Variants in LRRC69 observed in about 807,000 individuals in gnomAD.
LRRC69 encodes the protein leucine-rich repeat-containing protein 69.
LRRC69 carries 42 observed loss-of-function variants against 37.8 expected under a neutral mutation model. That is an observed-to-expected ratio of 1.11 (90% CI 0.87 to 1.44). LRRC69 has a LOEUF of 1.44. Among genes scored for constraint, LRRC69 ranks in the 40% most tolerant of loss-of-function variants. LRRC69 has a pLI of 0.00. For missense variants in LRRC69, 357 were observed against 401.9 expected (o/e 0.89, Z 0.96); for synonymous variants, 141 against 143.1 (o/e 0.99, Z 0.11).
intron 1 of LRRC69, among the ~76,000 whole-genome samples, chr8:91,124,061 A>T (rs1468899466): frequency 6.6e-6 from 1 of 151,870 alleles, no homozygotes; most frequent in Non-Finnish European, 1.5e-5. Context: ...CTCATTTGGG[A>T]GTAGTATGTC....
chr8:91,125,127 A>T (rs1364717979), intron 2 of LRRC69, among the ~76,000 whole-genome samples: 2 of 151,866 alleles, frequency 1.3e-5, no homozygotes, highest in East Asian at 3.9e-4. Context: ...ATTCAAGATG[A>T]TGCTATTCTT....
intron 5 of LRRC69, among the ~76,000 whole-genome samples, chr8:91,184,413 T>C (rs1809372339): frequency 6.6e-6 from 1 of 152,266 alleles, no homozygotes; most frequent in Admixed American, 6.5e-5. Context: ...TTCAGCCTTT[T>C]AAATGACATT....
exon 2 of LRRC69, chr8:91,124,607 C>T (rs1429385788): frequency 2.6e-6 from 4 of 1,535,776 alleles, no homozygotes; most frequent in East Asian, 2.5e-5. Context: ...TAGATTTGCA[C>T]CTGGAGCCTG....
At chr8:91,173,859 A>G (rs1279500013) in intron 5 of LRRC69, among the ~76,000 whole-genome samples, 1 of 152,016 alleles carries the variant, frequency 6.6e-6, no homozygotes, top group African/African-American at 2.4e-5. Flanking sequence ...CCCTACCTCG[A>G]TACTATCATA....
intron 7 of LRRC69, among the ~76,000 whole-genome samples, chr8:91,215,470 T>G (rs1810027146): frequency 6.6e-6 from 1 of 152,118 alleles, no homozygotes; most frequent in Admixed American, 6.6e-5. Context: ...AACATAAAAC[T>G]TAGCAAAGAG....
intron 5 of LRRC69, among the ~76,000 whole-genome samples, chr8:91,173,794 C>T (rs2130586699): frequency 1.3e-5 from 2 of 152,110 alleles, no homozygotes; most frequent in East Asian, 3.9e-4. Context: ...AGACAAGATT[C>T]CTTGGGAATC....
intron 5 of LRRC69, among the ~76,000 whole-genome samples, chr8:91,151,988 T>TGTTTG (rs1473576897): frequency 1.3e-5 from 2 of 150,154 alleles, no homozygotes; most frequent in Admixed American, 6.7e-5. Context: ...TTTTTGATGT[T>TGTTTG]TATTTTTCTT....
chr8:91,155,284 C>G (rs1475737706), intron 5 of LRRC69, among the ~76,000 whole-genome samples: 1 of 150,960 alleles, frequency 6.6e-6, no homozygotes, highest in Non-Finnish European at 1.5e-5. Flanking sequence ...TACTTATTCT[C>G]TCCTCTTAGA....
intron 1 of LRRC69, among the ~76,000 whole-genome samples, chr8:91,123,725 A>C (rs1813669676): frequency 6.6e-6 from 1 of 151,862 alleles, no homozygotes; most frequent in African/African-American, 2.4e-5. Flanking sequence ...AAAGTAAAAG[A>C]CTCTTTGTAT....
chr8:91,157,412 A>G (rs1404711486), intron 5 of LRRC69: 4 of 1,607,866 alleles, frequency 2.5e-6, no homozygotes, highest in Non-Finnish European at 3.4e-6. Context: ...TCTGCTGTGG[A>G]TCCCACTAAA....
At chr8:91,186,942 G>T (rs898853132) in intron 5 of LRRC69, among the ~76,000 whole-genome samples, 4 of 152,192 alleles carry the variant, frequency 2.6e-5, no homozygotes, top group African/African-American at 9.6e-5. Flanking sequence ...GGGGAAATAT[G>T]AATTTAGGCT....
chr8:91,169,300 G>A (rs76166468), intron 5 of LRRC69, among the ~76,000 whole-genome samples: 4,634 of 151,828 alleles, frequency 0.031, 206 homozygotes, highest in East Asian at 0.21. Context: ...TCTCTATCAA[G>A]TACTATGATT....
At chr8:91,104,375 G>T (rs139862053) in intron 1 of LRRC69, among the ~76,000 whole-genome samples, 5 of 151,764 alleles carry the variant, frequency 3.3e-5, no homozygotes, top group African/African-American at 1.2e-4. Flanking sequence ...TATTTGTTTT[G>T]TGTCTTGGGT....
chr8:91,202,556 T>G (rs1160009498), intron 7 of LRRC69, among the ~76,000 whole-genome samples: 2 of 152,210 alleles, frequency 1.3e-5, no homozygotes, highest in African/African-American at 4.8e-5. Context: ...GGTAGAATTG[T>G]GGAAGAGTGT....
chr8:91,183,490 A>C (rs1307598362), intron 5 of LRRC69, among the ~76,000 whole-genome samples: 3 of 152,216 alleles, frequency 2.0e-5, no homozygotes, highest in Non-Finnish European at 4.4e-5. Flanking sequence ...TTAGGAGGGC[A>C]GATCATGAGT....
intron 5 of LRRC69, among the ~76,000 whole-genome samples, chr8:91,145,586 T>C (rs997789271): frequency 3.3e-5 from 5 of 151,926 alleles, no homozygotes; most frequent in African/African-American, 1.2e-4. Context: ...GCTCAGTTTA[T>C]TAGGAGCCAT....
chr8:91,158,598 G>A, intron 5 of LRRC69: 11 of 1,407,090 alleles, frequency 7.8e-6, no homozygotes, highest in Middle Eastern at 1.8e-4. Context: ...TAGTTCTGAT[G>A]TCTTTGACAT....
intron 5 of LRRC69, among the ~76,000 whole-genome samples, chr8:91,142,111 T>C (rs1451442348): frequency 6.6e-6 from 1 of 152,034 alleles, no homozygotes; most frequent in African/African-American, 2.4e-5. Flanking sequence ...CTCTAGCTCC[T>C]CTTTCCCTCA....
intron 5 of LRRC69, among the ~76,000 whole-genome samples, chr8:91,152,703 A>G (rs962012997): frequency 6.6e-6 from 1 of 151,476 alleles, no homozygotes; most frequent in Non-Finnish European, 1.5e-5. Flanking sequence ...CATTGAATCT[A>G]TAAATTACTT....
Sources: allele counts gnomAD v4.1 joint callset (sites outside exome capture counted in the v4.1 genomes callset), GRCh38; gene constraint gnomAD v4.1.1; transcripts MANE v1.5; gene names NCBI Gene and HGNC (gene_info 2026-07-23, HGNC 2026-07-21).